Variants in TINAG observed in about 807,000 individuals in gnomAD.
The protein encoded by TINAG is tubulointerstitial nephritis antigen.
A neutral mutation model predicts 72.7 loss-of-function variants in TINAG; 83 were observed. The observed-to-expected ratio is 1.14, with a 90% CI of 0.96 to 1.37. The LOEUF is 1.37. TINAG is among the 40% of genes most tolerant of loss of function. TINAG has a pLI of 0.00. For synonymous variants in TINAG, 234 were observed against 189.9 expected, an observed-to-expected ratio of 1.23 and a Z score of -1.91; for missense variants, 685 against 576.6, an observed-to-expected ratio of 1.19 and a Z score of -1.93.
chr6:54,318,881 C>A (rs1784430062), intron 1 of TINAG, among the ~76,000 whole-genome samples: 1 of 152,018 alleles, frequency 6.6e-6, no homozygotes, highest in South Asian at 2.1e-4. Flanking sequence ...GAGATTAATT[C>A]TCATGCTAGA....
At chr6:54,375,140 G>A (rs1433431348) in intron 9 of TINAG, among the ~76,000 whole-genome samples, 1 of 152,078 alleles carries the variant, frequency 6.6e-6, no homozygotes, top group Non-Finnish European at 1.5e-5. Flanking sequence ...ATTCTTAGAT[G>A]GTTGTGAGAC....
At chr6:54,314,290 T>C (rs988515127) in intron 1 of TINAG, among the ~76,000 whole-genome samples, 4 of 152,164 alleles carry the variant, frequency 2.6e-5, no homozygotes, top group Non-Finnish European at 5.9e-5. Context: ...TCACCATTCT[T>C]AGAAAATGGC....
chr6:54,331,344 C>A (rs1401232986), intron 4 of TINAG, among the ~76,000 whole-genome samples: 2 of 152,118 alleles, frequency 1.3e-5, no homozygotes, highest in Non-Finnish European at 2.9e-5. Flanking sequence ...TAAACAGAAC[C>A]AATAACAAAA....
At chr6:54,342,685 C>T (rs1024347129) in intron 4 of TINAG, among the ~76,000 whole-genome samples, 4 of 152,124 alleles carry the variant, frequency 2.6e-5, no homozygotes, top group Non-Finnish European at 5.9e-5. Context: ...CCTTTTTAGA[C>T]TTCAAGTATT....
chr6:54,374,061 G>C (rs1005160687), intron 9 of TINAG, among the ~76,000 whole-genome samples: 1 of 152,078 alleles, frequency 6.6e-6, no homozygotes, highest in African/African-American at 2.4e-5. Flanking sequence ...TCTGACCAGA[G>C]TATGAACTGG....
At chr6:54,362,874 AGAAAC>A (rs1763283023) in intron 9 of TINAG, among the ~76,000 whole-genome samples, 1 of 151,610 alleles carries the variant, frequency 6.6e-6, no homozygotes, top group Non-Finnish European at 1.5e-5. Flanking sequence ...TAGTGGAGAA[AGAAAC>A]TGCAGATGTG....
chr6:54,307,896 A>G (rs1399014483), upstream of TINAG: 2 of 714,810 alleles, frequency 2.8e-6, no homozygotes, highest in Non-Finnish European at 2.3e-6. Context: ...AGGTGGAGAG[A>G]ACTAAGGTCA....
chr6:54,347,619 A>AAT (rs1582727169), intron 6 of TINAG, 102 bp downstream of exon 6: 1 of 1,185,986 alleles, frequency 8.4e-7, no homozygotes, highest in Non-Finnish European at 1.2e-6. Flanking sequence ...AGTACTTAAA[A>AAT]ATATATATAC....
intron 4 of TINAG, among the ~76,000 whole-genome samples, chr6:54,334,621 A>T (rs1784817566): frequency 6.6e-6 from 1 of 152,204 alleles, no homozygotes; most frequent in African/African-American, 2.4e-5. Context: ...AGTTAAGTCA[A>T]GCCAAGATTG....
intron 9 of TINAG, 124 bp from the exon 10 acceptor site, chr6:54,380,402 T>G: frequency 1.5e-6 from 1 of 688,910 alleles, no homozygotes; most frequent in Non-Finnish European, 2.3e-6. Context: ...ATATTTCCAT[T>G]GTGAAACAGG....
At position 54,389,856 on chromosome 6, in the gene TINAG, A is replaced by G; in HGVS notation, c.1362A>G (p.Val454=). 6.2e-7 allele frequency: 1 copy of G among 1,611,100 alleles called. No homozygotes were observed. Among genetic ancestry groups the G allele is most frequent in the South Asian group, 1.1e-5 (1 of 90,320 alleles). Residue 454 remains valine, a synonymous_variant, in exon 11 of 11, where the codon GTA becomes GTG. Coordinates refer to ENST00000259782, the MANE Select transcript of TINAG (RefSeq NM_014464.4). ...ENGYFRILRG[V]NESDIEKLII... The stretch of plus-strand genomic sequence containing the variant: ...GCTATTTCAGGATTCTTCGAGGAGT[A>G]AATGAGTCCGACATTGAAAAGTTGA...
chr6:54,332,010 A>G (rs1784753478), intron 4 of TINAG, among the ~76,000 whole-genome samples: 2 of 152,216 alleles, frequency 1.3e-5, no homozygotes, highest in South Asian at 4.1e-4. Flanking sequence ...CATGGATAGG[A>G]AGAATCAACA....
At chr6:54,350,672 G>T (rs887746854) in intron 7 of TINAG, among the ~76,000 whole-genome samples, 3 of 147,362 alleles carry the variant, frequency 2.0e-5, no homozygotes, top group Non-Finnish European at 1.5e-5. Context: ...CCAAGCAAAT[G>T]TCAAGGCCCA....
At chr6:54,342,056 G>T (rs1409053199) in intron 4 of TINAG, among the ~76,000 whole-genome samples, 1 of 144,698 alleles carries the variant, frequency 6.9e-6, no homozygotes, top group African/African-American at 2.5e-5. Context: ...GCTCAGAAAT[G>T]ATTGGGGTGT....
intron 9 of TINAG, among the ~76,000 whole-genome samples, chr6:54,371,991 T>TGTTTGTTTG (rs1554209023): frequency 7.2e-6 from 1 of 139,616 alleles, no homozygotes; most frequent in Non-Finnish European, 1.6e-5. Context: ...GTTTTTTTTT[T>TGTTTGTTTG]TTTTTTTTTT....
chr6:54,347,014 C>T (rs1785139145), intron 5 of TINAG, among the ~76,000 whole-genome samples: 2 of 151,936 alleles, frequency 1.3e-5, no homozygotes, highest in Admixed American at 1.3e-4. Context: ...GTTCTAGGTA[C>T]AGGAAATAGA....
rs1416953482 is a variant in TINAG, at chr6:54,388,654, C to G, written c.1297-1137C>G. Reference sequence around the variant, plus strand: ...GCTGCATTTAGTTGTGGAACTAACTCCCTTCTGTGTGTCCTTTGGCCTTCA... The same window carrying G: ...GCTGCATTTAGTTGTGGAACTAACTGCCTTCTGTGTGTCCTTTGGCCTTCA... On this transcript the variant is annotated intron_variant, in intron 10 of 10. Transcript: ENST00000259782. Among the ~76,000 whole-genome samples the G allele has an allele frequency of 2.0e-5, 3 of 151,880 alleles. No individual in the cohort carries two copies. The East Asian group carries it at 5.8e-4, about 29-fold the overall frequency.
intron 4 of TINAG, among the ~76,000 whole-genome samples, chr6:54,332,902 C>G (rs959688143): frequency 1.3e-5 from 2 of 152,152 alleles, no homozygotes; most frequent in Non-Finnish European, 2.9e-5. Context: ...AAATGCAAAT[C>G]AAAACCACAG....
At chr6:54,380,920 A>T (rs1030610303) in intron 10 of TINAG, among the ~76,000 whole-genome samples, 3 of 149,446 alleles carry the variant, frequency 2.0e-5, no homozygotes, top group Admixed American at 1.3e-4. Flanking sequence ...TGCTTTTGTT[A>T]TGTTAGTATC....
Sources: gnomAD v4.1 joint callset for allele counts (sites outside exome capture counted in the v4.1 genomes callset) on GRCh38, gnomAD v4.1.1 for gene constraint, MANE v1.5 for transcripts, NCBI Gene and HGNC (gene_info 2026-07-23, HGNC 2026-07-21) for gene names.